LRRTM4: variants seen among roughly 807,000 people sequenced by gnomAD.
LRRTM4 encodes leucine rich repeat transmembrane neuronal 4.
Under a neutral mutation model 47.6 loss-of-function variants are expected in LRRTM4, and 25 were observed. That is an observed-to-expected ratio of 0.53 (90% CI 0.38 to 0.73). LRRTM4 has a LOEUF of 0.73. Ranked by LOEUF, LRRTM4 falls within the 30% of genes least tolerant of loss-of-function variation. The probability of loss-of-function intolerance (pLI) is 0.00; values close to 1 mark genes in which losing one functional copy is unlikely to be tolerated. For synonymous variants in LRRTM4, 311 were observed against 269.5 expected (o/e 1.15, Z -1.51); for missense variants, 638 against 713.4 (o/e 0.89, Z 1.20).
intron 2 of LRRTM4, among the ~76,000 whole-genome samples, chr2:77,520,621 G>A (rs180932927): frequency 1.3e-3 from 197 of 152,150 alleles, no homozygotes; most frequent in African/African-American, 4.7e-3. Flanking sequence ...CGTATTATTT[G>A]CCTAAAAAGC....
intron 3 of LRRTM4, among the ~76,000 whole-genome samples, chr2:77,180,809 G>A (rs533387662): frequency 1.3e-5 from 2 of 152,182 alleles, no homozygotes; most frequent in South Asian, 4.1e-4. Context: ...AGGAGAAATC[G>A]TGAATCTGGA....
At chr2:76,974,243 T>C (rs1374072875) in intron 3 of LRRTM4, among the ~76,000 whole-genome samples, 11 of 131,380 alleles carry the variant, frequency 8.4e-5, no homozygotes, top group African/African-American at 2.5e-4. Flanking sequence ...TATATATACA[T>C]ATATATATAT....
chr2:76,873,716 C>A (rs1672702952), intron 3 of LRRTM4, among the ~76,000 whole-genome samples: 1 of 151,258 alleles, frequency 6.6e-6, no homozygotes, highest in Non-Finnish European at 1.5e-5. Context: ...ACCAATATGA[C>A]CTTATTGTTA....
At chr2:77,080,880 C>A (rs773853610) in intron 3 of LRRTM4, among the ~76,000 whole-genome samples, 1 of 152,098 alleles carries the variant, frequency 6.6e-6, no homozygotes, top group African/African-American at 2.4e-5. Flanking sequence ...GTTTCACCAC[C>A]TCTGCAAAGC....
intron 3 of LRRTM4, among the ~76,000 whole-genome samples, chr2:76,922,029 A>C (rs1269374719): frequency 6.6e-6 from 1 of 152,168 alleles, no homozygotes; most frequent in Non-Finnish European, 1.5e-5. Context: ...ATTAAAAAAG[A>C]AATGTGACAT....
At chr2:77,121,360 T>C (rs1169790174) in intron 3 of LRRTM4, among the ~76,000 whole-genome samples, 2 of 151,958 alleles carry the variant, frequency 1.3e-5, no homozygotes, top group South Asian at 4.1e-4. Flanking sequence ...GAACATAGCA[T>C]AATAAATTAC....
intron 3 of LRRTM4, among the ~76,000 whole-genome samples, chr2:77,051,595 C>T (rs890584111): frequency 4.6e-5 from 7 of 152,112 alleles, no homozygotes; most frequent in African/African-American, 1.4e-4. Flanking sequence ...GAGTGTGCTC[C>T]TAAAATTAAT....
At chr2:77,238,250 A>G (rs185191341) in intron 3 of LRRTM4, among the ~76,000 whole-genome samples, 10 of 152,292 alleles carry the variant, frequency 6.6e-5, no homozygotes, top group South Asian at 2.1e-4. Context: ...ATCATGTTGT[A>G]AGCCTCTAAT....
At chr2:77,124,328 A>G (rs774062031) in intron 3 of LRRTM4, among the ~76,000 whole-genome samples, 9 of 152,098 alleles carry the variant, frequency 5.9e-5, no homozygotes, top group Non-Finnish European at 8.8e-5. Flanking sequence ...AGTTAAATAC[A>G]CACAGGACAA....
intron 3 of LRRTM4, among the ~76,000 whole-genome samples, chr2:76,997,959 T>A (rs1350202366): frequency 1.3e-5 from 2 of 152,006 alleles, no homozygotes; most frequent in African/African-American, 2.4e-5. Flanking sequence ...CTGATGATGT[T>A]ACTGTCTCCC....
At chr2:77,122,523 A>T (rs1671546998) in intron 3 of LRRTM4, among the ~76,000 whole-genome samples, 2 of 150,454 alleles carry the variant, frequency 1.3e-5, no homozygotes, top group Non-Finnish European at 3.0e-5. Flanking sequence ...TATATAATAT[A>T]TATACACAAT....
chr2:77,285,433 C>G (rs1461002074), intron 3 of LRRTM4, among the ~76,000 whole-genome samples: 2 of 143,362 alleles, frequency 1.4e-5, no homozygotes, highest in African/African-American at 2.6e-5. Context: ...AATCCCATAA[C>G]AAAGAGAAAT....
chr2:77,355,681 G>A (rs1389063257), intron 3 of LRRTM4, among the ~76,000 whole-genome samples: 2 of 152,166 alleles, frequency 1.3e-5, no homozygotes, highest in African/African-American at 2.4e-5. Context: ...AAGGAGCAAA[G>A]GTAAAGATAA....
chr2:76,813,647 C>T (rs1573155825), intron 3 of LRRTM4, among the ~76,000 whole-genome samples: 1 of 152,034 alleles, frequency 6.6e-6, no homozygotes, highest in African/African-American at 2.4e-5. Context: ...ACTTTTGGTA[C>T]ATTTTTTTCT....
chr2:76,842,962 G>A (rs1671731786), intron 3 of LRRTM4, among the ~76,000 whole-genome samples: 1 of 152,122 alleles, frequency 6.6e-6, no homozygotes, highest in Non-Finnish European at 1.5e-5. Context: ...TCCCTTCTAT[G>A]GGTTCAGAGG....
At position 77,220,453 on chromosome 2, in the gene LRRTM4, G is replaced by A. The variant is rs577950016; in HGVS notation, c.1551+297865C>T. 1.4e-4 allele frequency among the ~76,000 whole-genome samples: 21 copies of A among 152,154 alleles called. No homozygotes were observed. The South Asian group carries it at 3.3e-3, about 24-fold the overall frequency. The stretch of plus-strand genomic sequence containing the variant: ...AACCAATGGCAAAGAAGTTAAAAAC[G>A]TTGAAAAAAATTAGACGAATGGATA... On this transcript the variant is annotated intron_variant, in intron 3 of 3. Transcript: ENST00000409884.
At chr2:77,488,104 A>C (rs1031972334) in intron 3 of LRRTM4, among the ~76,000 whole-genome samples, 1 of 152,192 alleles carries the variant, frequency 6.6e-6, no homozygotes. Context: ...AGAGAGAAGG[A>C]GAGAGGAGCT....
intron 3 of LRRTM4, among the ~76,000 whole-genome samples, chr2:77,088,897 C>T (rs1307594097): frequency 4.6e-5 from 7 of 152,100 alleles, no homozygotes; most frequent in African/African-American, 9.7e-5. Context: ...TCAATCTTGG[C>T]ACCACACTTC....
At chr2:76,814,828 C>G (rs1181092449) in intron 3 of LRRTM4, among the ~76,000 whole-genome samples, 1 of 149,924 alleles carries the variant, frequency 6.7e-6, no homozygotes. Context: ...CACACACACA[C>G]ACACACAAAA....
Sources: allele counts gnomAD v4.1 joint callset (sites outside exome capture counted in the v4.1 genomes callset), GRCh38; gene constraint gnomAD v4.1.1; transcripts MANE v1.5; gene names NCBI Gene and HGNC (gene_info 2026-07-23, HGNC 2026-07-21).